The following DCDC2C variants were observed in gnomAD, a reference collection of about 807,000 sequenced individuals.
The protein encoded by DCDC2C is doublecortin domain containing 2C, also known as doublecortin domain-containing protein 2C.
A neutral mutation model predicts 45.0 loss-of-function variants in DCDC2C; 44 were observed. The observed-to-expected ratio is 0.98, with a 90% CI of 0.77 to 1.26. The LOEUF (loss-of-function observed/expected upper bound fraction) is 1.26, where lower values mean the gene tolerates loss of function less well. Among genes scored for constraint, DCDC2C ranks in the 50% most tolerant of loss-of-function variants. The pLI is 0.00. For missense variants in DCDC2C, 447 were observed against 468.9 expected, an observed-to-expected ratio of 0.95 and a Z score of 0.43; for synonymous variants, 187 against 178.8, an observed-to-expected ratio of 1.05 and a Z score of -0.37.
Position 3,800,189 on chromosome 2 carries a change from C to T in DCDC2C, c.1065+15089C>T, listed in dbSNP as rs111525156. On this transcript the variant is annotated intron_variant, in intron 10 of 10. Transcript: ENST00000399143. ...GGAAAGGGAACTCCCTGACCCCTTG[C>T]GCTTCCCGAGTGAGGCAATGCCTCG... 2.2e-4 allele frequency among the ~76,000 whole-genome samples: 33 copies of T among 152,304 alleles called. No individual in the cohort carries two copies. In the South Asian group the frequency reaches 5.4e-3, roughly 25 times the overall value.
rs1668962453 is a variant in DCDC2C at position 3,734,420 on chromosome 2, ATGT to A, written c.416+7344_416+7346del. ...TAATCTAGGATGAGACAATCATCTG[ATGT>A]TGGTGACACGGGTGTCACTAACATC... On this transcript the variant is annotated intron_variant, in intron 3 of 10. Coordinates refer to ENST00000399143, the MANE Select transcript of DCDC2C (RefSeq NM_001287444.2). This position sits in a 1 kb window ranked among gnomAD's most constrained non-coding sequence, Gnocchi z 4.2. Among the ~76,000 whole-genome samples the A allele has an allele frequency of 6.6e-6, 1 of 152,210 alleles. No homozygotes were observed.
intron 2 of DCDC2C, among the ~76,000 whole-genome samples, chr2:3,714,629 TA>T (rs1668303338): frequency 6.6e-6 from 1 of 152,264 alleles, no homozygotes; most frequent in South Asian, 2.1e-4. Context: ...TTGAATTTTT[TA>T]GATCACTGAA....
At chr2:3,846,027 C>A (rs1672319020) in intron 10 of DCDC2C, among the ~76,000 whole-genome samples, 1 of 152,188 alleles carries the variant, frequency 6.6e-6, no homozygotes, top group Non-Finnish European at 1.5e-5. Context: ...GGTTAGGTGG[C>A]TGGCCTGAAG....
intron 10 of DCDC2C, among the ~76,000 whole-genome samples, chr2:3,815,556 C>T (rs925306611): frequency 3.3e-5 from 5 of 152,172 alleles, no homozygotes; most frequent in East Asian, 1.9e-4. Context: ...TGTTGTCACA[C>T]GTATCCATGT....
At chr2:3,827,124 C>A (rs1042446326) in intron 10 of DCDC2C, among the ~76,000 whole-genome samples, 1 of 152,204 alleles carries the variant, frequency 6.6e-6, no homozygotes, top group Non-Finnish European at 1.5e-5. Flanking sequence ...AGCCCATCAC[C>A]CATCACAGTG....
At chr2:3,738,540 GAAAAAAAAAAAAA>G (rs60799536) in intron 3 of DCDC2C, among the ~76,000 whole-genome samples, 2 of 72,010 alleles carry the variant, frequency 2.8e-5, no homozygotes, top group African/African-American at 5.5e-5. Context: ...GTCTATCTGG[GAAAAAAAAAAAAA>G]AAAAAAAAAA....
rs549740029 is a variant in DCDC2C at position 3,783,039 on chromosome 2, G to T, written c.1024-2020G>T. Among the ~76,000 whole-genome samples, 3 of 152,320 alleles carry T rather than the reference G, an allele frequency of 2.0e-5. No homozygotes were observed. In the East Asian group the frequency reaches 5.8e-4, roughly 29 times the overall value. On this transcript the variant is annotated intron_variant, in intron 9 of 10. Transcript: ENST00000399143. Reference sequence around the variant, plus strand: ...CCTTGGAAGTATCTCCGTGCGGTCTGTAGCCAGCTCTGGAGGGATGCTTTA... The same window carrying T: ...CCTTGGAAGTATCTCCGTGCGGTCTTTAGCCAGCTCTGGAGGGATGCTTTA...
chr2:3,813,064 TA>T (rs57494059), intron 10 of DCDC2C, among the ~76,000 whole-genome samples: 206 of 33,322 alleles, frequency 6.2e-3, no homozygotes, highest in African/African-American at 0.025. Flanking sequence ...TATATATATA[TA>T]TATTTTTTTT....
chr2:3,713,440 C>A (rs1482158735), intron 2 of DCDC2C, among the ~76,000 whole-genome samples: 3 of 152,276 alleles, frequency 2.0e-5, no homozygotes, highest in African/African-American at 7.2e-5. Context: ...GCCTTCCCCC[C>A]TCTGCTGCTC....
intron 2 of DCDC2C, among the ~76,000 whole-genome samples, chr2:3,716,155 T>G (rs969672539): frequency 1.3e-5 from 2 of 152,034 alleles, no homozygotes; most frequent in African/African-American, 4.8e-5. Flanking sequence ...ACAGTGGGGA[T>G]TTAGATCATT....
Position 3,757,596 on chromosome 2 carries a change from G to A in DCDC2C, c.726+2962G>A, listed in dbSNP as rs552586358. 1.5e-4 allele frequency among the ~76,000 whole-genome samples: 23 copies of A among 152,286 alleles called. No homozygotes were observed. The East Asian group carries it at 2.1e-3, about 14-fold the overall frequency. On this transcript the variant is annotated intron_variant, in intron 6 of 10. Coordinates refer to ENST00000399143, the MANE Select transcript of DCDC2C (RefSeq NM_001287444.2). ...GGGGCACTCATTGATTCATCTGGTCGTCCATGAGGCCGTGGTGAGGTGTTG... is the reference window on the plus strand; with the variant it reads ...GGGGCACTCATTGATTCATCTGGTCATCCATGAGGCCGTGGTGAGGTGTTG...
intron 2 of DCDC2C, among the ~76,000 whole-genome samples, chr2:3,721,096 C>T (rs1159254636): frequency 6.6e-6 from 1 of 152,024 alleles, no homozygotes; most frequent in Admixed American, 6.6e-5. Flanking sequence ...AGTGATGTTG[C>T]CTCTCTCATT....
chr2:3,827,745 A>C (rs1412189423), intron 10 of DCDC2C, among the ~76,000 whole-genome samples: 1 of 152,178 alleles, frequency 6.6e-6, no homozygotes, highest in Non-Finnish European at 1.5e-5. Flanking sequence ...CTTTCAAGAA[A>C]AGTGGTTCCC....
rs1470846912 is a variant in DCDC2C, at chr2:3,813,056, TATATATATA to T, written c.1065+27957_1065+27965del. ...AGAAGAACGTATATATATATATATA[TATATATATA>T]TATTTTTTTTTTTTTGCTGTTTTTG... On this transcript the variant is annotated intron_variant, in intron 10 of 10. Transcript: ENST00000399143. Among the ~76,000 whole-genome samples the T allele has an allele frequency of 5.2e-3, 518 of 100,398 alleles. 13 individuals are homozygous for T. Among genetic ancestry groups the T allele is most frequent in the African/African-American group, 0.02 (423 of 21,160 alleles). 65.9% of individuals were successfully genotyped at this position (100,398 alleles called of 152,430 possible). A position where few individuals can be genotyped will look rare whatever the true frequency, so the allele number is the denominator to read the frequency against.
At position 3,732,049 on chromosome 2, in the gene DCDC2C, A is replaced by G. The variant is rs551252713; in HGVS notation, c.416+4970A>G. ...GGTCTCATCTGCTGCTTGGTGAGCCAAGAGAAGGAGAGAGTGATGACCGCA... is the reference window on the plus strand; with the variant it reads ...GGTCTCATCTGCTGCTTGGTGAGCCGAGAGAAGGAGAGAGTGATGACCGCA... On this transcript the variant is annotated intron_variant, in intron 3 of 10. Coordinates refer to ENST00000399143, the MANE Select transcript of DCDC2C (RefSeq NM_001287444.2). Among the ~76,000 whole-genome samples the G allele has an allele frequency of 5.9e-5, 9 of 152,266 alleles. No individual in the cohort carries two copies. The East Asian group carries it at 1.7e-3, about 29-fold the overall frequency.
At chr2:3,764,190 C>T (rs904212077) in intron 6 of DCDC2C, among the ~76,000 whole-genome samples, 5 of 152,136 alleles carry the variant, frequency 3.3e-5, no homozygotes, top group African/African-American at 7.2e-5. Context: ...TGAGACTCCA[C>T]GTTTAAAAGA....
intron 10 of DCDC2C, among the ~76,000 whole-genome samples, chr2:3,796,982 A>G (rs924494717): frequency 6.6e-6 from 1 of 152,146 alleles, no homozygotes; most frequent in South Asian, 2.1e-4. Flanking sequence ...GAATTCGGCT[A>G]TGAATCCGTC....
chr2:3,751,641 G>C (rs548837994), intron 4 of DCDC2C, among the ~76,000 whole-genome samples: 1 of 152,370 alleles, frequency 6.6e-6, no homozygotes, highest in South Asian at 2.1e-4. Context: ...CTGACGCCCA[G>C]CTCTGCGGAG....
chr2:3,832,377 C>G (rs142301491), intron 10 of DCDC2C, among the ~76,000 whole-genome samples: 152 of 152,334 alleles, frequency 1.0e-3, no homozygotes, highest in Middle Eastern at 3.4e-3. Context: ...GATCCTGTAG[C>G]CAATCTACCC....
Sources: allele counts gnomAD v4.1 joint callset (sites outside exome capture counted in the v4.1 genomes callset), GRCh38; gene constraint gnomAD v4.1.1; non-coding constraint Gnocchi (gnomAD v3.1); transcripts MANE v1.5; gene names NCBI Gene and HGNC (gene_info 2026-07-23, HGNC 2026-07-21).